Variants in LIPC observed in about 807,000 individuals in gnomAD.
The protein encoded by LIPC is hepatic triacylglycerol lipase.
A neutral mutation model predicts 50.7 loss-of-function variants in LIPC; 44 were observed. The observed-to-expected ratio is 0.87, with a 90% CI of 0.68 to 1.11. LIPC has a LOEUF of 1.11. Ranked by LOEUF, LIPC falls within the 50% of genes most tolerant of loss-of-function variation. The pLI is 0.00. For synonymous variants in LIPC, 271 were observed against 256.4 expected (o/e 1.06, Z -0.54); for missense variants, 697 against 648.2 (o/e 1.08, Z -0.82).
chr15:58,534,207 C>T (rs1266098126), intron 1 of LIPC, among the ~76,000 whole-genome samples: 1 of 152,158 alleles, frequency 6.6e-6, no homozygotes. Context: ...CCAAAGAGTA[C>T]CCAGGCAAAG....
At chr15:58,435,515 T>C (rs1415310701) in intron 1 of LIPC, 5 of 134,590 alleles carry the variant, frequency 3.7e-5, no homozygotes, top group African/African-American at 1.1e-4. Context: ...GCCATGGGAC[T>C]GGGTGGAGGG....
At chr15:58,557,222 T>C (rs1380645459) in intron 6 of LIPC, among the ~76,000 whole-genome samples, 1 of 152,154 alleles carries the variant, frequency 6.6e-6, no homozygotes, top group Non-Finnish European at 1.5e-5. Flanking sequence ...GAAAAGTCAC[T>C]TAACTTCTCT....
intron 6 of LIPC, among the ~76,000 whole-genome samples, chr15:58,559,061 C>T (rs1463988727): frequency 6.6e-6 from 1 of 152,118 alleles, no homozygotes; most frequent in Admixed American, 6.5e-5. Flanking sequence ...CTGGCAGTAC[C>T]CTCTGCTGGG....
chr15:58,548,290 G>A (rs1462790368), intron 5 of LIPC, 40 bp from the exon 6 acceptor site: 1 of 1,613,486 alleles, frequency 6.2e-7, no homozygotes, highest in Admixed American at 1.7e-5. Flanking sequence ...GGCTGCTTTG[G>A]GTTAAGGGGT....
chr15:58,438,064 G>C (rs1893368308), intron 1 of LIPC, among the ~76,000 whole-genome samples: 1 of 152,136 alleles, frequency 6.6e-6, no homozygotes, highest in East Asian at 1.9e-4. Context: ...GAAGGCATGG[G>C]GTCTGTAAGC....
At chr15:58,505,393 G>A (rs760906923) in intron 1 of LIPC, among the ~76,000 whole-genome samples, 5 of 152,226 alleles carry the variant, frequency 3.3e-5, no homozygotes, top group Non-Finnish European at 7.3e-5. Flanking sequence ...TAGGGTTGTT[G>A]TGAGGATCAA....
At chr15:58,550,958 T>A (rs1566948623) in intron 6 of LIPC, among the ~76,000 whole-genome samples, 2 of 145,786 alleles carry the variant, frequency 1.4e-5, no homozygotes, top group African/African-American at 5.2e-5. Context: ...TGCCTCAGCC[T>A]CCTAAGTAGC....
intron 1 of LIPC, among the ~76,000 whole-genome samples, chr15:58,477,873 G>C (rs1891051216): frequency 6.6e-6 from 1 of 152,038 alleles, no homozygotes; most frequent in African/African-American, 2.4e-5. Context: ...CTGAGTCTTG[G>C]GGAAAATTTG....
chr15:58,448,896 C>A (rs1396609316), intron 1 of LIPC, among the ~76,000 whole-genome samples: 9 of 152,210 alleles, frequency 5.9e-5, no homozygotes, highest in Non-Finnish European at 8.8e-5. Flanking sequence ...GTAATCTGCA[C>A]TCTCAGACAA....
At chr15:58,536,098 A>G (rs1459713938) in intron 1 of LIPC, among the ~76,000 whole-genome samples, 1 of 152,232 alleles carries the variant, frequency 6.6e-6, no homozygotes, top group Non-Finnish European at 1.5e-5. Flanking sequence ...GGGCAAGTGT[A>G]TTAGGATCAG....
At chr15:58,453,315 C>T (rs368517585) in intron 1 of LIPC, among the ~76,000 whole-genome samples, 6 of 152,112 alleles carry the variant, frequency 3.9e-5, no homozygotes, top group East Asian at 1.9e-4. Flanking sequence ...AGAATAGCAA[C>T]GTCTCAGCCA....
chr15:58,540,013 T>C (rs908161799), intron 2 of LIPC, among the ~76,000 whole-genome samples: 3 of 152,316 alleles, frequency 2.0e-5, no homozygotes, highest in Middle Eastern at 3.4e-3. Flanking sequence ...TTTCTAATTG[T>C]CTGTGTTTCT....
intron 1 of LIPC, among the ~76,000 whole-genome samples, chr15:58,502,508 TC>T (rs1389115518): frequency 4.7e-4 from 6 of 12,740 alleles, no homozygotes; most frequent in African/African-American, 8.5e-4. Flanking sequence ...TGTAATTTTC[TC>T]TTTTTTTTTT....
chr15:58,558,946 A>T (rs1249228048), intron 6 of LIPC, among the ~76,000 whole-genome samples: 1 of 152,236 alleles, frequency 6.6e-6, no homozygotes, highest in Non-Finnish European at 1.5e-5. Context: ...CCCCACTCAC[A>T]TGAGCAAATT....
intron 1 of LIPC, among the ~76,000 whole-genome samples, chr15:58,450,102 G>A (rs886929956): frequency 2.0e-5 from 3 of 152,160 alleles, no homozygotes; most frequent in Non-Finnish European, 4.4e-5. Flanking sequence ...TATGATCTGG[G>A]GCAAGAGTCA....
chr15:58,455,633 T>C (rs185609326), intron 1 of LIPC, among the ~76,000 whole-genome samples: 83 of 152,322 alleles, frequency 5.4e-4, no homozygotes, highest in African/African-American at 1.9e-3. Context: ...AATAAACCTG[T>C]CAGCCAACCT....
intron 1 of LIPC, among the ~76,000 whole-genome samples, chr15:58,455,397 A>G (rs71478667): frequency 0.12 from 17,638 of 152,260 alleles, 1,247 homozygotes; most frequent in Non-Finnish European, 0.17. Context: ...TTGTCAGGCC[A>G]TGGATTGCTA....
At chr15:58,546,851 A>G (rs1372062338) in intron 5 of LIPC, among the ~76,000 whole-genome samples, 2 of 151,956 alleles carry the variant, frequency 1.3e-5, no homozygotes, top group Non-Finnish European at 2.9e-5. Flanking sequence ...ACTCCGCATC[A>G]TCTCATTTTG....
chr15:58,502,764 A>C (rs1484918433), intron 1 of LIPC, among the ~76,000 whole-genome samples: 2 of 152,164 alleles, frequency 1.3e-5, no homozygotes, highest in Non-Finnish European at 1.5e-5. Context: ...CAAAATGAGA[A>C]AGGCATACTC....
Sources: allele counts gnomAD v4.1 joint callset (sites outside exome capture counted in the v4.1 genomes callset), GRCh38; gene constraint gnomAD v4.1.1; transcripts MANE v1.5; gene names NCBI Gene and HGNC (gene_info 2026-07-23, HGNC 2026-07-21).